Variants in DTNB observed in about 807,000 individuals in gnomAD.
DTNB encodes dystrobrevin beta, also known as DTN-B.
In DTNB, 63 loss-of-function variants were observed where a neutral mutation model predicts 90.7. The observed-to-expected ratio is 0.69, with a 90% CI of 0.57 to 0.86. DTNB has a LOEUF of 0.86. DTNB is among the 40% of genes least tolerant of loss of function. The pLI is 0.00. For synonymous variants in DTNB, 277 were observed against 286.7 expected (o/e 0.97, Z 0.34); for missense variants, 744 against 807.1 (o/e 0.92, Z 0.95).
intron 10 of DTNB, among the ~76,000 whole-genome samples, chr2:25,478,625 C>T (rs751305368): frequency 2.0e-5 from 3 of 151,950 alleles, no homozygotes; most frequent in Non-Finnish European, 4.4e-5. Context: ...GCCTCAAATT[C>T]CTGGGATCAA....
intron 8 of DTNB, among the ~76,000 whole-genome samples, chr2:25,548,965 A>G (rs1398153739): frequency 6.6e-6 from 1 of 152,184 alleles, no homozygotes; most frequent in African/African-American, 2.4e-5. Flanking sequence ...TGCTGACACC[A>G]ATTCTTGACA....
At chr2:25,664,976 G>A (rs1404565370) in intron 1 of DTNB, among the ~76,000 whole-genome samples, 1 of 152,186 alleles carries the variant, frequency 6.6e-6, no homozygotes, top group Non-Finnish European at 1.5e-5. Context: ...ATGGAGCTAA[G>A]TAGGATCTGA....
intron 1 of DTNB, among the ~76,000 whole-genome samples, chr2:25,672,195 T>C (rs2086088285): frequency 1.0e-5 from 1 of 98,240 alleles, no homozygotes. Flanking sequence ...CGGGGTTGCC[T>C]CGCATAGCAA....
chr2:25,464,606 T>A (rs1364190013), intron 10 of DTNB, among the ~76,000 whole-genome samples: 1 of 152,166 alleles, frequency 6.6e-6, no homozygotes, highest in East Asian at 1.9e-4. Context: ...TGCCCTTGAG[T>A]ATGAACCATG....
chr2:25,555,086 G>A (rs1209931047), intron 8 of DTNB, among the ~76,000 whole-genome samples: 1 of 152,042 alleles, frequency 6.6e-6, no homozygotes, highest in Middle Eastern at 3.4e-3. Context: ...CACGAAGTCA[G>A]GAGATCGAGA....
intron 8 of DTNB, among the ~76,000 whole-genome samples, chr2:25,534,460 T>G (rs2078941062): frequency 6.6e-6 from 1 of 152,056 alleles, no homozygotes; most frequent in Non-Finnish European, 1.5e-5. Flanking sequence ...ATTTCCCCCT[T>G]TTCTTTTCGA....
chr2:25,614,297 C>T (rs1423977472), intron 4 of DTNB, among the ~76,000 whole-genome samples: 1 of 152,128 alleles, frequency 6.6e-6, no homozygotes, highest in East Asian at 1.9e-4. Context: ...TCCCACCACT[C>T]CTTGTCAACC....
intron 4 of DTNB, among the ~76,000 whole-genome samples, chr2:25,613,844 G>C (rs1379393252): frequency 6.6e-6 from 1 of 152,094 alleles, no homozygotes; most frequent in Admixed American, 6.5e-5. Flanking sequence ...AGTAATCCCG[G>C]CTACTCAGGA....
At position 25,470,657 on chromosome 2, in the gene DTNB, G is replaced by C. The variant is rs555781261; in HGVS notation, c.1079+12139C>G. Among the ~76,000 whole-genome samples, 7 of 152,264 alleles carry C rather than the reference G, an allele frequency of 4.6e-5. No individual in the cohort carries two copies. In the South Asian group the frequency reaches 1.5e-3, roughly 32 times the overall value. ...CTCCCAAAGTGCCAGGATTACAGGT[G>C]TGAGCCACTGCACCCGGCCTGAAGA... is the stretch of plus-strand genomic sequence containing the variant. On this transcript the variant is annotated intron_variant, in intron 10 of 20. Transcript: ENST00000406818.
In DTNB at chr2:25,573,076, G is replaced by A. The variant is rs561365258; in HGVS notation, c.876+3762C>T. On this transcript the variant is annotated intron_variant, in intron 8 of 20. Coordinates refer to ENST00000406818, the MANE Select transcript of DTNB (RefSeq NM_021907.5). ...ATTCTCCTGCCTCAGCCTCCAAGTA[G>A]CTGGGATTACAGGCACCCGCCACCA... 3.5e-4 allele frequency among the ~76,000 whole-genome samples: 54 copies of A among 152,218 alleles called. No individual in the cohort carries two copies. In the South Asian group the frequency reaches 0.011, roughly 31 times the overall value.
chr2:25,577,111 A>T, intron 7 of DTNB, 107 bp from the exon 8 acceptor site: 1 of 1,214,394 alleles, frequency 8.2e-7, no homozygotes, highest in Non-Finnish European at 1.1e-6. Context: ...ATACAGAGGA[A>T]TACCAAAACT....
intron 13 of DTNB, 68 bp from the exon 14 acceptor site, chr2:25,433,067 TACA>T: frequency 6.9e-7 from 1 of 1,449,180 alleles, no homozygotes; most frequent in Non-Finnish European, 9.2e-7. Flanking sequence ...CTTTCCCTAT[TACA>T]ACTTTTCAAC....
intron 2 of DTNB, among the ~76,000 whole-genome samples, chr2:25,649,153 T>C (rs2080245332): frequency 6.6e-6 from 1 of 151,978 alleles, no homozygotes; most frequent in Admixed American, 6.6e-5. Context: ...TACAGGTGCC[T>C]GCCAGCACGC....
chr2:25,601,604 AT>A (rs374427717), intron 5 of DTNB, among the ~76,000 whole-genome samples: 2 of 151,684 alleles, frequency 1.3e-5, no homozygotes, highest in African/African-American at 2.4e-5. Context: ...CTAGCCACCT[AT>A]TTTTTTTGCA....
At chr2:25,390,895 C>CTTTTT (rs34194776) in intron 16 of DTNB, among the ~76,000 whole-genome samples, 1 of 135,882 alleles carries the variant, frequency 7.4e-6, no homozygotes, top group African/African-American at 2.7e-5. Flanking sequence ...TAGGTAATGA[C>CTTTTT]TTTTTTTTTT....
chr2:25,660,665 T>C (rs929083759), intron 1 of DTNB, among the ~76,000 whole-genome samples: 1 of 152,192 alleles, frequency 6.6e-6, no homozygotes, highest in Non-Finnish European at 1.5e-5. Flanking sequence ...AAATATTATA[T>C]TGCTAAGATT....
At chr2:25,637,181 T>C (rs762051022) in intron 3 of DTNB, among the ~76,000 whole-genome samples, 4 of 152,104 alleles carry the variant, frequency 2.6e-5, no homozygotes, top group Non-Finnish European at 5.9e-5. Context: ...CTGGATCCCT[T>C]CCTTACACCT....
intron 14 of DTNB, 39 bp downstream of exon 14, chr2:25,432,847 T>G (rs1393360149): frequency 6.5e-7 from 1 of 1,550,354 alleles, no homozygotes; most frequent in Non-Finnish European, 8.7e-7. Flanking sequence ...CCATCCATAG[T>G]AGATTACATG....
intron 15 of DTNB, among the ~76,000 whole-genome samples, chr2:25,419,972 G>A (rs2048989403): frequency 6.6e-6 from 1 of 152,188 alleles, no homozygotes; most frequent in Non-Finnish European, 1.5e-5. Flanking sequence ...GAGGCAAGTG[G>A]TTTTTGATGC....
Sources: gnomAD v4.1 joint callset for allele counts (sites outside exome capture counted in the v4.1 genomes callset) on GRCh38, gnomAD v4.1.1 for gene constraint, MANE v1.5 for transcripts, NCBI Gene and HGNC (gene_info 2026-07-23, HGNC 2026-07-21) for gene names.